Variants in ARHGAP6 observed in about 807,000 individuals in gnomAD.
The protein encoded by ARHGAP6 is Rho GTPase activating protein 6, also known as rho GTPase-activating protein 6.
Under a neutral mutation model 55.7 loss-of-function variants are expected in ARHGAP6, and 16 were observed. The ratio of observed to expected loss-of-function variants is 0.29; its 90% CI spans 0.19 to 0.44. The LOEUF (loss-of-function observed/expected upper bound fraction) is 0.44. Among genes scored for constraint, ARHGAP6 ranks in the 20% least tolerant of loss-of-function variants. The pLI is 1.00. For synonymous variants in ARHGAP6, 382 were observed against 360.9 expected, an observed-to-expected ratio of 1.06 and a Z score of -0.66; for missense variants, 698 against 808.9, an observed-to-expected ratio of 0.86 and a Z score of 1.66.
chrX:11,294,713 G>A (rs1441240216), intron 1 of ARHGAP6: 13 of 1,076,458 alleles, frequency 1.2e-5, no homozygotes, highest in Non-Finnish European at 1.4e-5. Context: ...TGTGTTTTAT[G>A]GAGCATTCAT....
In ARHGAP6 at chrX:11,139,549, G is replaced by C. The variant is rs774666780; in HGVS notation, c.2258-19C>G. Reference sequence around the variant, plus strand: ...GAGGAACCTGGAAGCCAGAGAGAAAGCCCAAGAAATGGAATCAGTTTGTAG... The same window carrying C: ...GAGGAACCTGGAAGCCAGAGAGAAACCCCAAGAAATGGAATCAGTTTGTAG... On this transcript the variant is annotated intron_variant, in intron 12 of 12. Transcript: ENST00000337414. 1 of 1,129,841 alleles carries C rather than the reference G, an allele frequency of 8.9e-7. No homozygotes were observed. Among genetic ancestry groups the C allele is most frequent in the Non-Finnish European group, 1.2e-6 (1 of 857,049 alleles). 93.1% of individuals were successfully genotyped at this position (1,129,841 alleles called of 1,213,427 possible).
intron 1 of ARHGAP6, among the ~76,000 whole-genome samples, chrX:11,390,996 T>G (rs1246000277): frequency 1.8e-5 from 2 of 112,155 alleles, no homozygotes; most frequent in Non-Finnish European, 3.8e-5. Context: ...ATCATGCTGC[T>G]ATGAAGACAC....
intron 1 of ARHGAP6, among the ~76,000 whole-genome samples, chrX:11,614,045 C>T (rs750778740): frequency 1.7e-4 from 19 of 111,361 alleles, no homozygotes; most frequent in South Asian, 3.9e-4. Flanking sequence ...GGTCCCTGTG[C>T]GGGCACCACC....
intron 1 of ARHGAP6, among the ~76,000 whole-genome samples, chrX:11,442,843 C>A (rs1205740506): frequency 1.8e-5 from 2 of 111,794 alleles, no homozygotes; most frequent in Non-Finnish European, 3.8e-5. Flanking sequence ...AGGGCCAGGG[C>A]TAATTATGTG....
At chrX:11,224,373 T>C (rs1219179245) in intron 2 of ARHGAP6, 4 of 574,751 alleles carry the variant, frequency 7.0e-6, no homozygotes, top group Non-Finnish European at 8.8e-6. Context: ...AATTAACCTA[T>C]TGTATCAATG....
chrX:11,645,108 C>T (rs1008291691), intron 1 of ARHGAP6, among the ~76,000 whole-genome samples: 2 of 111,613 alleles, frequency 1.8e-5, no homozygotes. Flanking sequence ...CTGTACAATT[C>T]AATTTCTATG....
chrX:11,645,055 A>G (rs2052512384), intron 1 of ARHGAP6, among the ~76,000 whole-genome samples: 2 of 112,043 alleles, frequency 1.8e-5, no homozygotes, highest in South Asian at 7.4e-4. Flanking sequence ...AATCACAAAG[A>G]CATTATATTG....
intron 1 of ARHGAP6, among the ~76,000 whole-genome samples, chrX:11,312,902 A>C (rs1457310885): frequency 9.0e-6 from 1 of 111,288 alleles, no homozygotes; most frequent in Non-Finnish European, 1.9e-5. Flanking sequence ...AGCCCCCATC[A>C]CATTTCTCCC....
chrX:11,636,088 C>T (rs974921026), intron 1 of ARHGAP6, among the ~76,000 whole-genome samples: 2 of 111,704 alleles, frequency 1.8e-5, no homozygotes, highest in Non-Finnish European at 3.8e-5. Flanking sequence ...CTTGACTACA[C>T]ATGGAAGGAA....
chrX:11,487,272 T>C (rs2050520868), intron 1 of ARHGAP6, among the ~76,000 whole-genome samples: 2 of 112,141 alleles, frequency 1.8e-5, no homozygotes, highest in Admixed American at 9.4e-5. Flanking sequence ...GTAATGAGTA[T>C]ACTCTGTGTA....
At chrX:11,449,288 T>C (rs1336243173) in intron 1 of ARHGAP6, among the ~76,000 whole-genome samples, 1 of 112,281 alleles carries the variant, frequency 8.9e-6, no homozygotes, top group Non-Finnish European at 1.9e-5. Flanking sequence ...CCAATCCATA[T>C]AGCTTACTCT....
chrX:11,268,754 T>C (rs2047657438), intron 1 of ARHGAP6, among the ~76,000 whole-genome samples: 1 of 111,360 alleles, frequency 9.0e-6, no homozygotes, highest in South Asian at 3.8e-4. Context: ...TTGCCTAGTG[T>C]AGTCCCCTGC....
At chrX:11,185,164 G>GTGTGTGTGTGTA (rs2046370513) in intron 5 of ARHGAP6, among the ~76,000 whole-genome samples, 4 of 110,613 alleles carry the variant, frequency 3.6e-5, no homozygotes, top group South Asian at 3.8e-4. Context: ...GTGTGTGTGT[G>GTGTGTGTGTGTA]TGTGTGTGTG....
At chrX:11,638,546 T>A (rs1244308359) in intron 1 of ARHGAP6, among the ~76,000 whole-genome samples, 1 of 111,455 alleles carries the variant, frequency 9.0e-6, no homozygotes, top group Non-Finnish European at 1.9e-5. Flanking sequence ...TGTTTTCAGT[T>A]GCAAAAATAA....
At chrX:11,371,379 G>A (rs1268730025) in intron 1 of ARHGAP6, among the ~76,000 whole-genome samples, 1 of 111,837 alleles carries the variant, frequency 8.9e-6, no homozygotes, top group East Asian at 2.8e-4. Flanking sequence ...GTACTCAAAT[G>A]GCAGAGTTGT....
At chrX:11,491,713 C>T (rs1439518498) in intron 1 of ARHGAP6, among the ~76,000 whole-genome samples, 1 of 111,288 alleles carries the variant, frequency 9.0e-6, no homozygotes, top group Non-Finnish European at 1.9e-5. Flanking sequence ...ATTTATAGTC[C>T]TTTGGGTGTA....
chrX:11,220,656 C>T (rs1394080362), intron 2 of ARHGAP6, among the ~76,000 whole-genome samples: 34 of 110,222 alleles, frequency 3.1e-4, no homozygotes, highest in Admixed American at 9.7e-4. Flanking sequence ...AAGGAACAAC[C>T]GGTACCAGCC....
intron 1 of ARHGAP6, among the ~76,000 whole-genome samples, chrX:11,416,128 C>T (rs1231555956): frequency 1.8e-5 from 2 of 111,330 alleles, no homozygotes; most frequent in Non-Finnish European, 3.8e-5. Flanking sequence ...AAAATGTGCC[C>T]TCCCCCACCT....
Position 11,597,781 on chromosome X carries a change from T to C in ARHGAP6, c.588+66460A>G, listed in dbSNP as rs779353633. ...CTTACAAGTGAGGGGCCATGAGACATATTCAAGAAGCTAAAAGTGTGTTTT... is the reference window on the plus strand; with the variant it reads ...CTTACAAGTGAGGGGCCATGAGACACATTCAAGAAGCTAAAAGTGTGTTTT... On this transcript the variant is annotated intron_variant, in intron 1 of 12. Transcript: ENST00000337414. Among the ~76,000 whole-genome samples, 7 of 111,446 alleles carry C rather than the reference T, an allele frequency of 6.3e-5. No individual in the cohort carries two copies. In the East Asian group the frequency reaches 2.0e-3, roughly 31 times the overall value.
Sources: gnomAD v4.1 joint callset for allele counts (sites outside exome capture counted in the v4.1 genomes callset) on GRCh38, gnomAD v4.1.1 for gene constraint, MANE v1.5 for transcripts, NCBI Gene and HGNC (gene_info 2026-07-23, HGNC 2026-07-21) for gene names.